FHIT: variants seen among roughly 807,000 people sequenced by gnomAD.
FHIT encodes bis(5'-adenosyl)-triphosphatase.
A neutral mutation model predicts 17.9 loss-of-function variants in FHIT; 19 were observed. The ratio of observed to expected loss-of-function variants is 1.06; its 90% CI spans 0.74 to 1.56. FHIT has a LOEUF of 1.56. Among genes scored for constraint, FHIT ranks in the 40% most tolerant of loss-of-function variants. The pLI, the probability that FHIT is intolerant of heterozygous loss-of-function variation, is 0.00. For missense variants in FHIT, 248 were observed against 189.2 expected, an observed-to-expected ratio of 1.31 and a Z score of -1.82; for synonymous variants, 81 against 69.7, an observed-to-expected ratio of 1.16 and a Z score of -0.81.
intron 5 of FHIT, among the ~76,000 whole-genome samples, chr3:60,188,252 A>T (rs1192253007): frequency 1.3e-5 from 2 of 149,584 alleles, no homozygotes; most frequent in Non-Finnish European, 3.0e-5. Flanking sequence ...AAAGGCAAAC[A>T]GAATTCAGTT....
intron 5 of FHIT, among the ~76,000 whole-genome samples, chr3:60,212,071 G>A (rs922341944): frequency 3.3e-5 from 5 of 152,072 alleles, no homozygotes; most frequent in Admixed American, 1.3e-4. Context: ...GCCCAGCATC[G>A]GACCTCACAT....
At chr3:60,358,297 A>G (rs1576531804) in intron 5 of FHIT, among the ~76,000 whole-genome samples, 1 of 152,176 alleles carries the variant, frequency 6.6e-6, no homozygotes, top group African/African-American at 2.4e-5. Context: ...GGAGATTTTG[A>G]TACTAGAGAT....
At chr3:59,854,983 A>C (rs1702093412) in intron 8 of FHIT, among the ~76,000 whole-genome samples, 1 of 152,190 alleles carries the variant, frequency 6.6e-6, no homozygotes. Flanking sequence ...GATTACTAAA[A>C]AGACTTTGGT....
intron 5 of FHIT, among the ~76,000 whole-genome samples, chr3:60,457,395 T>C (rs946015724): frequency 7.9e-5 from 12 of 152,134 alleles, no homozygotes; most frequent in African/African-American, 2.2e-4. Flanking sequence ...AAGCTGAAAC[T>C]GGATCCCTTC....
chr3:59,911,284 C>T (rs774632778), intron 8 of FHIT, among the ~76,000 whole-genome samples: 3 of 152,152 alleles, frequency 2.0e-5, no homozygotes, highest in Non-Finnish European at 4.4e-5. Flanking sequence ...TAGACACACA[C>T]TCACACACAC....
At chr3:60,598,262 T>C (rs536212817) in intron 4 of FHIT, among the ~76,000 whole-genome samples, 2 of 152,192 alleles carry the variant, frequency 1.3e-5, no homozygotes, top group African/African-American at 2.4e-5. Flanking sequence ...GCTTTAAAAA[T>C]CCCTCAAAAT....
chr3:59,929,610 G>C (rs11714533), intron 7 of FHIT, among the ~76,000 whole-genome samples: 22,189 of 151,662 alleles, frequency 0.15, 2,054 homozygotes, highest in Middle Eastern at 0.25. Flanking sequence ...CCCAACCTCA[G>C]GTGATCATGC....
chr3:61,024,865 G>A lies in FHIT; in HGVS notation c.-111+17182C>T, dbSNP rs1474181520. Among the ~76,000 whole-genome samples the A allele has an allele frequency of 2.6e-5, 4 of 151,810 alleles. No individual in the cohort carries two copies. The East Asian group carries it at 5.8e-4, about 22-fold the overall frequency. On this transcript the variant is annotated intron_variant, in intron 3 of 9. Transcript: ENST00000492590. Reference sequence around the variant, plus strand: ...GAAACATTCTTTATAGAGCAACTCTGATTAATGTACAAGTGACAGCTTTTT... The same window carrying A: ...GAAACATTCTTTATAGAGCAACTCTAATTAATGTACAAGTGACAGCTTTTT...
chr3:60,550,852 G>T (rs937729941), intron 4 of FHIT, among the ~76,000 whole-genome samples: 1 of 152,062 alleles, frequency 6.6e-6, no homozygotes, highest in Non-Finnish European at 1.5e-5. Flanking sequence ...CTAGGCACAG[G>T]GTGCATATTG....
At chr3:60,518,574 T>A (rs1180935206) in intron 5 of FHIT, among the ~76,000 whole-genome samples, 6 of 152,216 alleles carry the variant, frequency 3.9e-5, no homozygotes, top group Non-Finnish European at 8.8e-5. Context: ...CAAGTAGTGA[T>A]TCCAGTTTAA....
chr3:60,519,919 A>T (rs1313547233), intron 5 of FHIT, among the ~76,000 whole-genome samples: 1 of 152,154 alleles, frequency 6.6e-6, no homozygotes, highest in Non-Finnish European at 1.5e-5. Flanking sequence ...CAGCTCAGAG[A>T]TGATTAGTGT....
chr3:60,308,396 A>G lies in FHIT; in HGVS notation c.103+228464T>C, dbSNP rs556968861. Among the ~76,000 whole-genome samples the G allele has an allele frequency of 7.9e-5, 12 of 152,078 alleles. No individual in the cohort carries two copies. The South Asian group carries it at 2.5e-3, about 32-fold the overall frequency. Reference sequence around the variant, plus strand: ...CTGACAACTCTCAGGAGAGGGAATAATTAGTATGGGCTGTTACAGACCAGG... The same window carrying G: ...CTGACAACTCTCAGGAGAGGGAATAGTTAGTATGGGCTGTTACAGACCAGG... On this transcript the variant is annotated intron_variant, in intron 5 of 9. Coordinates refer to ENST00000492590, the MANE Select transcript of FHIT (RefSeq NM_002012.4).
intron 5 of FHIT, among the ~76,000 whole-genome samples, chr3:60,505,060 A>G (rs553066918): frequency 8.1e-5 from 12 of 148,426 alleles, no homozygotes; most frequent in Non-Finnish European, 1.6e-4. Context: ...ACTATTTTGG[A>G]CATTTGTCAA....
intron 5 of FHIT, among the ~76,000 whole-genome samples, chr3:60,481,824 A>C (rs2107476235): frequency 6.6e-6 from 1 of 152,334 alleles, no homozygotes; most frequent in Middle Eastern, 3.4e-3. Context: ...CACACATAAC[A>C]ATACGAACCT....
chr3:59,784,074 CA>C (rs1484067572), intron 8 of FHIT, among the ~76,000 whole-genome samples: 4 of 151,974 alleles, frequency 2.6e-5, no homozygotes, highest in Admixed American at 1.3e-4. Flanking sequence ...GATTCTTGGC[CA>C]AAAAATGATA....
chr3:61,249,510 A>G (rs1458697619), intron 1 of FHIT, among the ~76,000 whole-genome samples: 1 of 152,182 alleles, frequency 6.6e-6, no homozygotes, highest in Non-Finnish European at 1.5e-5. Context: ...ACTCCTCCTC[A>G]GCTCTGTAAG....
intron 5 of FHIT, among the ~76,000 whole-genome samples, chr3:60,173,254 G>C (rs113635801): frequency 5.3e-5 from 8 of 152,190 alleles, no homozygotes; most frequent in Admixed American, 4.6e-4. Context: ...GTATCTTAGG[G>C]TCCAGATTCC....
At chr3:60,372,534 C>G (rs1173743100) in intron 5 of FHIT, among the ~76,000 whole-genome samples, 1 of 152,172 alleles carries the variant, frequency 6.6e-6, no homozygotes, top group African/African-American at 2.4e-5. Context: ...CATGCCCACA[C>G]TTGGATTTTA....
intron 5 of FHIT, among the ~76,000 whole-genome samples, chr3:60,513,759 A>AC (rs11441692): frequency 0.34 from 51,768 of 151,900 alleles, 9,276 homozygotes; most frequent in African/African-American, 0.44. Flanking sequence ...TCAAGCCTGG[A>AC]CCCATGGCCT....
Sources: allele counts gnomAD v4.1 joint callset (sites outside exome capture counted in the v4.1 genomes callset), GRCh38; gene constraint gnomAD v4.1.1; transcripts MANE v1.5; gene names NCBI Gene and HGNC (gene_info 2026-07-23, HGNC 2026-07-21).